The following SP110 variants were observed in gnomAD, a reference collection of about 807,000 sequenced individuals.
SP110 encodes SP110 nuclear body protein, also known as interferon-induced protein 41, 30kD.
In SP110, 62 loss-of-function variants were observed where a neutral mutation model predicts 92.7. That is an observed-to-expected ratio of 0.67 (90% CI 0.55 to 0.83). The LOEUF (loss-of-function observed/expected upper bound fraction) is 0.83. Ranked by LOEUF, SP110 falls within the 40% of genes least tolerant of loss-of-function variation. The pLI is 0.00. For missense variants in SP110, 793 were observed against 863.9 expected (o/e 0.92, Z 1.03); for synonymous variants, 273 against 305.3 (o/e 0.89, Z 1.10).
chr2:230,169,266 T>C (rs200995358), intron 18 of SP110, 29 bp from the exon 19 acceptor site: 4 of 1,241,194 alleles, frequency 3.2e-6, no homozygotes, highest in Middle Eastern at 1.9e-4. Flanking sequence ...AACAAACACA[T>C]TGAAGGATGA....
At chr2:230,177,998 G>A (rs2041944850) in intron 13 of SP110, among the ~76,000 whole-genome samples, 159 bp downstream of exon 13, 1 of 152,192 alleles carries the variant, frequency 6.6e-6, no homozygotes, top group Non-Finnish European at 1.5e-5. Context: ...GAAATACCAT[G>A]ATGTGGAAGA....
chr2:230,201,020 C>T (rs2043131541), intron 9 of SP110, 55 bp from the exon 10 acceptor site: 3 of 1,377,936 alleles, frequency 2.2e-6, no homozygotes, highest in Admixed American at 3.3e-5. Flanking sequence ...TGGAGAATCT[C>T]CCAGAGACCC....
intron 18 of SP110, among the ~76,000 whole-genome samples, chr2:230,169,752 G>A (rs1347734399): frequency 6.6e-6 from 1 of 152,168 alleles, no homozygotes; most frequent in Admixed American, 6.5e-5. Context: ...TAGACTGAAG[G>A]GTTAGTTTTG....
chr2:230,171,598 G>T (rs924470271), intron 17 of SP110, 98 bp downstream of exon 17: 12 of 937,582 alleles, frequency 1.3e-5, no homozygotes, highest in Admixed American at 3.4e-5. Flanking sequence ...CTTCTCTTCT[G>T]TTCTCCAGCT....
At chr2:230,205,053 C>G (rs1000948261) in intron 8 of SP110, among the ~76,000 whole-genome samples, 2 of 152,006 alleles carry the variant, frequency 1.3e-5, no homozygotes, top group African/African-American at 4.8e-5. Flanking sequence ...GTGAACATTA[C>G]CCTAAGGGCA....
At chr2:230,194,466 A>C (rs1262604843) in intron 10 of SP110, among the ~76,000 whole-genome samples, 1 of 107,478 alleles carries the variant, frequency 9.3e-6, no homozygotes, top group African/African-American at 3.4e-5. Flanking sequence ...TTAAAAAAAG[A>C]AAAAGGGAAA....
At chr2:230,210,344 A>C (rs2044331535) in intron 6 of SP110, among the ~76,000 whole-genome samples, 1 of 152,238 alleles carries the variant, frequency 6.6e-6, no homozygotes, top group African/African-American at 2.4e-5. Context: ...TATCATGACT[A>C]TAGTCACATG....
chr2:230,187,994 T>A (rs1448883690), intron 10 of SP110, among the ~76,000 whole-genome samples: 1 of 152,186 alleles, frequency 6.6e-6, no homozygotes, highest in Non-Finnish European at 1.5e-5. Context: ...TGGTTCCATA[T>A]GAATTTTAAG....
chr2:230,171,215 C>T (rs2078431823), intron 17 of SP110, among the ~76,000 whole-genome samples: 1 of 152,198 alleles, frequency 6.6e-6, no homozygotes, highest in Admixed American at 6.5e-5. Flanking sequence ...GCCTCAGCCT[C>T]CTGAGTAGCT....
rs151196366 is a variant in SP110, at chr2:230,218,010, T to G, written c.-1-1082A>C. Among the ~76,000 whole-genome samples, 266 of 152,370 alleles carry G rather than the reference T, an allele frequency of 1.7e-3. 3 individuals carry two copies. Among genetic ancestry groups the G allele is most frequent in the African/African-American group, 5.9e-3 (246 of 41,600 alleles). On this transcript the variant is annotated intron_variant, in intron 1 of 18. Transcript: ENST00000258381. The stretch of plus-strand genomic sequence containing the variant: ...CTGCAACCATTTCATGTCTCAGACA[T>G]GCGCCTTTTCCCATGCCCATGCAGC...
chr2:230,220,163 G>C, upstream of SP110: 5 of 795,716 alleles, frequency 6.3e-6, no homozygotes, highest in Non-Finnish European at 7.6e-6. Context: ...AGGGCGTGTT[G>C]CCAGTTGGGA....
intron 1 of SP110, among the ~76,000 whole-genome samples, chr2:230,217,344 C>G (rs978702254): frequency 1.5e-4 from 23 of 151,892 alleles, no homozygotes; most frequent in Admixed American, 1.2e-3. Flanking sequence ...ATTCTGGTCC[C>G]AAAGGCATCC....
intron 9 of SP110, among the ~76,000 whole-genome samples, chr2:230,201,211 GGGTGCAGCCAT>G: frequency 6.6e-6 from 1 of 152,354 alleles, no homozygotes; most frequent in East Asian, 1.9e-4. Flanking sequence ...ATCCACAGTG[GGGTGCAGCCAT>G]CTGAACCCCT....
intron 13 of SP110, among the ~76,000 whole-genome samples, chr2:230,177,939 G>C (rs1042785677): frequency 1.3e-5 from 2 of 152,218 alleles, no homozygotes; most frequent in Non-Finnish European, 2.9e-5. Context: ...TGTCAGTACA[G>C]CAGGGCCCAT....
At chr2:230,220,079 C>T (rs888637492), upstream of SP110, 4 of 985,472 alleles carry the variant, frequency 4.1e-6, no homozygotes, top group Non-Finnish European at 4.8e-6. Context: ...CAGGTCGGTG[C>T]CTGCAGCCTC....
chr2:230,199,175 G>T (rs1411495510), intron 10 of SP110, among the ~76,000 whole-genome samples: 1 of 134,040 alleles, frequency 7.5e-6, no homozygotes, highest in Non-Finnish European at 1.6e-5. Flanking sequence ...GTGGGGTGAG[G>T]TTTGCTGTCA....
At position 230,180,097 on chromosome 2, in the gene SP110, G is replaced by A. The variant is rs1206665995; in HGVS notation, c.1349-1842C>T. The stretch of plus-strand genomic sequence containing the variant: ...CTCTCTAACGGCAGCTGGCTTGTTT[G>A]AAAGGTGAGCTGCAGCAGCGGTGAG... On this transcript the variant is annotated intron_variant, in intron 12 of 18. Coordinates refer to ENST00000258381, the MANE Select transcript of SP110 (RefSeq NM_080424.4). 3.3e-5 allele frequency among the ~76,000 whole-genome samples: 5 copies of A among 152,300 alleles called. No individual in the cohort carries two copies. The East Asian group carries it at 7.7e-4, about 24-fold the overall frequency.
chr2:230,211,189 C>A lies in SP110; in HGVS notation c.751+281G>T, dbSNP rs189320768. On this transcript the variant is annotated intron_variant, in intron 6 of 18. Coordinates refer to ENST00000258381, the MANE Select transcript of SP110 (RefSeq NM_080424.4). The surrounding 1 kb of genome is among the most constrained non-coding windows in gnomAD (Gnocchi z 4.2). ...CGCTTTGTGGCATTTGGAGTCCAAACCTACAGGCACTGGTGGGGCTCTGTC... is the reference window on the plus strand; with the variant it reads ...CGCTTTGTGGCATTTGGAGTCCAAAACTACAGGCACTGGTGGGGCTCTGTC... Among the ~76,000 whole-genome samples, 1 of 152,312 alleles carries A rather than the reference C, an allele frequency of 6.6e-6. No individual in the cohort carries two copies. Among genetic ancestry groups the A allele is most frequent in the African/African-American group, 2.4e-5 (1 of 41,572 alleles).
chr2:230,209,588 C>A (rs1279675664), intron 7 of SP110, among the ~76,000 whole-genome samples: 1 of 152,050 alleles, frequency 6.6e-6, no homozygotes, highest in Non-Finnish European at 1.5e-5. Context: ...GAATGCCTAG[C>A]CATGTCTTAA....
Sources: gnomAD v4.1 joint callset for allele counts (sites outside exome capture counted in the v4.1 genomes callset) on GRCh38, gnomAD v4.1.1 for gene constraint, Gnocchi (gnomAD v3.1) non-coding constraint, MANE v1.5 for transcripts, NCBI Gene and HGNC (gene_info 2026-07-23, HGNC 2026-07-21) for gene names.